The following OLFM1 variants were observed in gnomAD, a reference collection of about 807,000 sequenced individuals.
OLFM1 encodes olfactomedin 1.
In OLFM1, 9 loss-of-function variants were observed where a neutral mutation model predicts 49.7. That is an observed-to-expected ratio of 0.18 (90% CI 0.11 to 0.32). The LOEUF is 0.32. OLFM1 is among the 10% of genes least tolerant of loss of function. OLFM1 has a pLI of 1.00. For synonymous variants in OLFM1, 240 were observed against 271.8 expected (o/e 0.88, Z 1.15); for missense variants, 369 against 661.8 (o/e 0.56, Z 4.85).
upstream of OLFM1, chr9:135,087,566 G>A: frequency 8.9e-7 from 1 of 1,119,860 alleles, no homozygotes. Flanking sequence ...GGAGCCGAGC[G>A]AGAGGAAAAA....
chr9:135,101,262 G>A (rs192888341), intron 4 of OLFM1, among the ~76,000 whole-genome samples: 4 of 152,192 alleles, frequency 2.6e-5, no homozygotes, highest in Admixed American at 6.5e-5. Flanking sequence ...CCCGGACCCC[G>A]CAGTTTCTTG....
chr9:135,104,359 G>A (rs984015219), intron 4 of OLFM1, among the ~76,000 whole-genome samples: 1 of 152,214 alleles, frequency 6.6e-6, no homozygotes, highest in Non-Finnish European at 1.5e-5. Context: ...GCTGCCTCTG[G>A]CCTCTGCCGG....
At chr9:135,087,296 G>A, upstream of OLFM1, 1 of 1,506,728 alleles carries the variant, frequency 6.6e-7, no homozygotes, top group Non-Finnish European at 8.8e-7. Context: ...AGGCAGGACG[G>A]CGCCGTCTCT....
At chr9:135,084,298 CTCTA>C (rs528001364), upstream of OLFM1, among the ~76,000 whole-genome samples, 86 of 150,206 alleles carry the variant, frequency 5.7e-4, no homozygotes, top group African/African-American at 1.8e-3. The surrounding 1 kb of genome is among the most constrained non-coding windows in gnomAD (Gnocchi z 4.6). Flanking sequence ...CTCTGTGTCA[CTCTA>C]TCTTTCTTCT....
chr9:135,091,674 C>CACACACAGTCACACACACAT (rs879648450), intron 2 of OLFM1, among the ~76,000 whole-genome samples: 1 of 39,460 alleles, frequency 2.5e-5, no homozygotes, highest in Non-Finnish European at 4.8e-5. Context: ...CAGTCACACA[C>CACACACAGTCACACACACAT]TCACACATAG....
intron 2 of OLFM1, among the ~76,000 whole-genome samples, chr9:135,095,459 C>T (rs1371433412): frequency 3.3e-5 from 5 of 150,244 alleles, no homozygotes. Context: ...TTATGCTTGC[C>T]TAACTAATGT....
At position 135,095,859 on chromosome 9, in the gene OLFM1, G is replaced by A. The variant is rs1830782503; in HGVS notation, c.301-5G>A. On this transcript the variant is annotated splice_region_variant and splice_polypyrimidine_tract_variant and intron_variant, in intron 2 of 5. Coordinates refer to ENST00000371793, the MANE Select transcript of OLFM1 (RefSeq NM_001282611.2). ...GTTTTGCTGAACCTGTTGCCCTTTT[G>A]ACAGGTGCAGAACATGTCTCAATCC... The A allele has an allele frequency of 6.2e-7, 1 of 1,612,344 alleles. No individual in the cohort carries two copies. The highest frequency in any genetic ancestry group is 1.1e-5 in the South Asian group (1 of 91,004).
chr9:135,077,114 T>G, intron 1 of OLFM1: 1 of 1,550,556 alleles, frequency 6.4e-7, no homozygotes, highest in Non-Finnish European at 8.7e-7. Flanking sequence ...GGGTGGTGGT[T>G]GTGCACTGTT....
intron 5 of OLFM1, among the ~76,000 whole-genome samples, chr9:135,118,288 GGGTCTTTGGAGTGCTCACCA>G (rs1831123285): frequency 2.0e-5 from 3 of 151,746 alleles, no homozygotes; most frequent in Admixed American, 6.6e-5. Context: ...AGTGCTCACC[GGGTCTTTGGAGTGCTCACCA>G]GGTCTTTGGA....
At chr9:135,076,162 A>G (rs2119078583) in intron 1 of OLFM1, 1 of 1,550,216 alleles carries the variant, frequency 6.5e-7, no homozygotes, top group Non-Finnish European at 8.7e-7. Context: ...CCGGATAGCC[A>G]AGACCCCAGG....
At position 135,088,112 on chromosome 9, in the gene OLFM1, C is replaced by T; in HGVS notation, c.123C>T (p.Gly41=). 1.4e-6 allele frequency: 2 copies of T among 1,409,050 alleles called. No homozygotes were observed. The highest frequency in any genetic ancestry group is 9.4e-7 in the Non-Finnish European group (1 of 1,065,118). 87.3% of individuals were successfully genotyped at this position (1,409,050 alleles called of 1,614,324 possible). A position where few individuals can be genotyped will look rare whatever the true frequency, so the allele number is the denominator to read the frequency against. Residue 41 remains glycine (G), a synonymous_variant, in exon 1 of 6, where the codon GGC becomes GGT. Transcript: ENST00000371793. The surrounding 1 kb of genome is among the most constrained non-coding windows in gnomAD (Gnocchi z 4.8). ...GLNTTKLSAA[G]GGTLDRSTGV... ...ACACCACCAAGCTCTCGGCGGCCGG[C>T]GGCGGGACGCTGGACCGCAGCACCG...
At chr9:135,081,396 G>A (rs1178854815) in intron 1 of OLFM1, among the ~76,000 whole-genome samples, 1 of 152,222 alleles carries the variant, frequency 6.6e-6, no homozygotes, top group Non-Finnish European at 1.5e-5. Flanking sequence ...CCCATCAGCT[G>A]TGCCTTTCCG....
intron 4 of OLFM1, among the ~76,000 whole-genome samples, chr9:135,105,320 G>T (rs2119127758): frequency 6.6e-6 from 1 of 152,348 alleles, no homozygotes; most frequent in South Asian, 2.1e-4. Context: ...TGGGAATTTG[G>T]GGGCAAACCC....
rs1830641928 is a variant in OLFM1 at position 135,088,942 on chromosome 9, G to A, written c.150+803G>A. On this transcript the variant is annotated intron_variant, in intron 1 of 5. Transcript: ENST00000371793. The surrounding 1 kb of genome is among the most constrained non-coding windows in gnomAD (Gnocchi z 4.8). ...GCAGAGCTGACTTAGATGGCTGAGC[G>A]AGGCTGAGCTGAAACCGCCACCCGG... is the stretch of plus-strand genomic sequence containing the variant. 6.6e-6 allele frequency among the ~76,000 whole-genome samples: 1 copy of A among 152,186 alleles called. No individual in the cohort carries two copies. The highest frequency in any genetic ancestry group is 1.5e-5 in the Non-Finnish European group (1 of 68,030).
chr9:135,096,769 T>C (rs1329608012), intron 3 of OLFM1, among the ~76,000 whole-genome samples: 5 of 152,188 alleles, frequency 3.3e-5, no homozygotes, highest in Non-Finnish European at 7.3e-5. Context: ...AGTTTTCACA[T>C]CTGACCTAAT....
chr9:135,084,322 T>C (rs1830568845), upstream of OLFM1, among the ~76,000 whole-genome samples: 1 of 148,294 alleles, frequency 6.7e-6, no homozygotes, highest in Admixed American at 6.6e-5. This position sits in a 1 kb window ranked among gnomAD's most constrained non-coding sequence, Gnocchi z 4.6. Flanking sequence ...TCTCTCTCTC[T>C]TCTCTCTCTG....
intron 2 of OLFM1, among the ~76,000 whole-genome samples, chr9:135,092,734 T>C (rs1487870606): frequency 6.6e-6 from 1 of 152,228 alleles, no homozygotes; most frequent in Non-Finnish European, 1.5e-5. Flanking sequence ...TGTTCCTTCC[T>C]GCCTGTGCGT....
chr9:135,086,594 T>A (rs1183023856), upstream of OLFM1: 1 of 456,032 alleles, frequency 2.2e-6, no homozygotes, highest in Non-Finnish European at 4.4e-6. Flanking sequence ...CCCAAATGGC[T>A]GGGAAAGCTT....
upstream of OLFM1, chr9:135,086,513 T>C (rs981180792): frequency 1.5e-5 from 6 of 408,086 alleles, no homozygotes; most frequent in Admixed American, 2.7e-5. Flanking sequence ...TCAAATCCCA[T>C]CCAGGAAGGG....
Sources: allele counts gnomAD v4.1 joint callset (sites outside exome capture counted in the v4.1 genomes callset), GRCh38; gene constraint gnomAD v4.1.1; non-coding constraint Gnocchi (gnomAD v3.1); transcripts MANE v1.5; gene names NCBI Gene and HGNC (gene_info 2026-07-23, HGNC 2026-07-21).